The following DCLRE1A variants were observed in gnomAD, a reference collection of about 807,000 sequenced individuals.
The protein encoded by DCLRE1A is DNA cross-link repair 1A protein.
DCLRE1A carries 64 observed loss-of-function variants against 91.9 expected under a neutral mutation model. The observed-to-expected ratio is 0.70, with a 90% confidence interval of 0.57 to 0.86. The LOEUF is 0.86. Ranked by LOEUF, DCLRE1A falls within the 40% of genes least tolerant of loss-of-function variation. DCLRE1A has a pLI of 0.00. For missense variants in DCLRE1A, 1,145 were observed against 1,213.3 expected (o/e 0.94, Z 0.84); for synonymous variants, 416 against 431.1 (o/e 0.96, Z 0.43).
At chr10:113,840,828 G>T (rs1442739160) in intron 7 of DCLRE1A, among the ~76,000 whole-genome samples, 1 of 152,092 alleles carries the variant, frequency 6.6e-6, no homozygotes, top group Non-Finnish European at 1.5e-5. Flanking sequence ...GTTAGTATAT[G>T]GAATAAACGT....
At chr10:113,837,490 A>C (rs1845382116) in intron 7 of DCLRE1A, among the ~76,000 whole-genome samples, 1 of 152,244 alleles carries the variant, frequency 6.6e-6, no homozygotes, top group Non-Finnish European at 1.5e-5. Flanking sequence ...CAATTCTGAT[A>C]GCTACCAAAA....
rs1487450542 is a variant in DCLRE1A, at chr10:113,842,340, C to G, written c.2665+3G>C. On this transcript the variant is annotated splice_donor_region_variant and intron_variant, in intron 6 of 8. Coordinates refer to ENST00000361384, the MANE Select transcript of DCLRE1A (RefSeq NM_014881.5). ...ATGTAAATTAGATACACCTACAACT[C>G]ACCTAGGAAGACTTTCTCTTTTCCA... The G allele has an allele frequency of 1.9e-6, 3 of 1,611,814 alleles. No homozygotes were observed. The highest frequency in any genetic ancestry group is 2.5e-6 in the Non-Finnish European group (3 of 1,178,620).
At position 113,850,634 on chromosome 10, in the gene DCLRE1A, A is replaced by G. The variant is rs1845634938; in HGVS notation, c.471T>C (p.Asp157=). Residue 157 remains aspartate, a synonymous_variant, in exon 2 of 9, where the codon GAT becomes GAC. Transcript: ENST00000361384. ...SPPRSETECP[D]GLLCTSTIPF... ...GAATGGTTGAGGTACACAGAAGACCATCAGGACACTCTGAAATTTTAATAA... is the reference window on the plus strand; with the variant it reads ...GAATGGTTGAGGTACACAGAAGACCGTCAGGACACTCTGAAATTTTAATAA... The G allele has an allele frequency of 1.9e-6, 3 of 1,582,890 alleles. No homozygotes were observed. The highest frequency in any genetic ancestry group is 2.6e-6 in the Non-Finnish European group (3 of 1,164,552).
At chr10:113,845,563 T>G (rs956765680) in intron 4 of DCLRE1A, 122 bp downstream of exon 4, 1 of 726,960 alleles carries the variant, frequency 1.4e-6, no homozygotes, top group Non-Finnish European at 2.3e-6. Context: ...GAGAAACATC[T>G]TACTCAAGTT....
chr10:113,840,804 C>A (rs980054905), intron 7 of DCLRE1A, among the ~76,000 whole-genome samples: 2 of 152,062 alleles, frequency 1.3e-5, no homozygotes, highest in Non-Finnish European at 2.9e-5. Flanking sequence ...TATTCAATTG[C>A]CAGGTGTCAA....
intron 2 of DCLRE1A, among the ~76,000 whole-genome samples, chr10:113,848,140 C>T (rs1051400936): frequency 2.0e-5 from 3 of 152,038 alleles, no homozygotes; most frequent in Non-Finnish European, 4.4e-5. Context: ...GGTGAAACCC[C>T]GTCTCTACTA....
chr10:113,849,742 GA>G lies in DCLRE1A; in HGVS notation c.1362del (p.Gln455LysfsTer6), dbSNP rs775230818. ...KQVIEESSVY[N>X]QVSLPLVKSL... is the part of the protein sequence containing the mutation. Reference sequence around the variant, plus strand: ...CTCTTAACTAACGGAAGAGAAACTTGATTGTAAACAGATGATTCTTCAATTA... The same window carrying G: ...CTCTTAACTAACGGAAGAGAAACTTGTTGTAAACAGATGATTCTTCAATTA... On this transcript the variant is annotated frameshift_variant, in exon 2 of 9. Transcript: ENST00000361384. LOFTEE classifies it high-confidence loss of function. 1.4e-5 allele frequency: 22 copies of G among 1,614,020 alleles called. No homozygotes were observed. Among genetic ancestry groups the G allele is most frequent in the Non-Finnish European group, 1.7e-5 (20 of 1,180,046 alleles).
At position 113,849,174 on chromosome 10, in the gene DCLRE1A, A is replaced by C. The variant is rs1490737965; in HGVS notation, c.1931T>G (p.Leu644Arg). The C allele has an allele frequency of 1.2e-6, 2 of 1,614,050 alleles. No homozygotes were observed. The highest frequency in any genetic ancestry group is 1.7e-6 in the Non-Finnish European group (2 of 1,179,964). Residue 644 changes from leucine to arginine, a missense_variant, in exon 2 of 9, where the codon CTG becomes CGG. Physicochemically the swap from Leu to Arg is moderately radical, Grantham distance 102 (BLOSUM62 -2). Coordinates refer to ENST00000361384, the MANE Select transcript of DCLRE1A (RefSeq NM_014881.5). ...TCTCTTCTGACACGCTCCTTCCTGC[A>C]GTGAATTTGACTTTCTACATCTCTT... ...QKKRCRKSNS[L>R]QEGACQKRSD...
Position 113,850,451 on chromosome 10 carries a change from G to A in DCLRE1A, c.654C>T (p.Asn218=). The A allele has an allele frequency of 6.2e-7, 1 of 1,614,160 alleles. No individual in the cohort carries two copies. Among genetic ancestry groups the A allele is most frequent in the Non-Finnish European group, 8.5e-7 (1 of 1,180,026 alleles). Residue 218 remains asparagine (N), a synonymous_variant, in exon 2 of 9, where the codon AAC becomes AAT. Coordinates refer to ENST00000361384, the MANE Select transcript of DCLRE1A (RefSeq NM_014881.5). The part of the protein sequence containing the change: ...SLEERWSSYQ[N]QTDNSVSNDP... ...CATTTGAAACCGAGTTATCAGTTTG[G>A]TTCTGATACGAAGACCATCTTTCCT...
At position 113,850,371 on chromosome 10, in the gene DCLRE1A, C is replaced by T. The variant is rs1845626187; in HGVS notation, c.734G>A (p.Ser245Asn). 6.2e-7 allele frequency: 1 copy of T among 1,614,120 alleles called. No individual in the cohort carries two copies. Among genetic ancestry groups the T allele is most frequent in the Admixed American group, 1.7e-5 (1 of 60,006 alleles). ...TTGGATATGAGTAGAAATCTTTTCA[C>T]TGGCTTCAGTCAGAGACGGAGACTT... ...FKKSPSLTEA[S>N]EKISTHIQTS... Residue 245 changes from serine to asparagine, a missense_variant, in exon 2 of 9, where the codon AGT (serine) becomes AAT (asparagine). Coordinates refer to ENST00000361384, the MANE Select transcript of DCLRE1A (RefSeq NM_014881.5).
At chr10:113,850,694 G>C in intron 1 of DCLRE1A, 50 bp from the exon 2 acceptor site, 1 of 1,423,962 alleles carries the variant, frequency 7.0e-7, no homozygotes, top group Non-Finnish European at 9.4e-7. Context: ...CATAGACTAA[G>C]CTTTGACAAC....
rs1564845359 is a variant in DCLRE1A, at chr10:113,849,775, T to C, written c.1330A>G (p.Lys444Glu). The C allele has an allele frequency of 1.2e-6, 2 of 1,614,070 alleles. No individual in the cohort carries two copies. The highest frequency in any genetic ancestry group is 1.1e-5 in the South Asian group (1 of 91,092). The change falls in exon 2 of 9, where the codon AAA becomes GAA. Residue 444 changes from lysine to glutamate, a missense_variant. By Grantham distance (56) the Lys-to-Glu change is moderately conservative. Coordinates refer to ENST00000361384, the MANE Select transcript of DCLRE1A (RefSeq NM_014881.5). ...ACAGATGATTCTTCAATTACCTGTT[T>C]CTGTTTATTTGATTGAGCTGAGTGA... ...EFHSAQSNKQ[K>E]QVIEESSVYN...
In DCLRE1A at chr10:113,852,979, T is replaced by C. The variant is rs150355808; in HGVS notation, c.204A>G (p.Gly68=). ...CAACAGAAGTCTGACAACCTGCATTTCCAAGGGGCACTTCATGGTCCTTCA... is the reference window on the plus strand; with the variant it reads ...CAACAGAAGTCTGACAACCTGCATTCCCAAGGGGCACTTCATGGTCCTTCA... The part of the protein sequence containing the change: ...KEVKDHEVPL[G]NAGCQTSVAS... Residue 68 remains glycine (G), a synonymous_variant, in exon 1 of 9, where the codon GGA becomes GGG. Coordinates refer to ENST00000361384, the MANE Select transcript of DCLRE1A (RefSeq NM_014881.5). 797 of 1,614,184 alleles carry C rather than the reference T, an allele frequency of 4.9e-4. 1 individual carries two copies. The African/African-American group carries it at 6.7e-3, about 14-fold the overall frequency.
At chr10:113,837,818 A>G (rs552420523) in intron 7 of DCLRE1A, among the ~76,000 whole-genome samples, 1 of 152,310 alleles carries the variant, frequency 6.6e-6, no homozygotes, top group East Asian at 1.9e-4. Flanking sequence ...TCCCCAAACT[A>G]AAGTAATCAT....
chr10:113,835,312 C>A lies in DCLRE1A; in HGVS notation c.2963G>T (p.Gly988Val). 1 of 1,575,886 alleles carries A rather than the reference C, an allele frequency of 6.3e-7. No individual in the cohort carries two copies. The change falls in exon 9 of 9, where the codon GGA becomes GTA. Residue 988 changes from glycine (G) to valine (V), a missense_variant and splice_region_variant. By Grantham distance (109) the Gly-to-Val change is moderately radical. Transcript: ENST00000361384. Reference protein sequence around the residue: ...PQTKGNISIYGIPYSEHSSYL... With the variant: ...PQTKGNISIYVIPYSEHSSYL... Reference sequence around the variant, plus strand: ...GCTGCTGTGTTCACTGTAAGGAATTCCTGTAACAAAAAATAAACGAATTTG... The same window carrying A: ...GCTGCTGTGTTCACTGTAAGGAATTACTGTAACAAAAAATAAACGAATTTG...
rs557180844 is a variant in DCLRE1A at position 113,842,349 on chromosome 10, A to C, written c.2659T>G (p.Phe887Val). ...AGATACACCTACAACTCACCTAGGA[A>C]GACTTTCTCTTTTCCAATAGAGTAA... ...GTYSIGKEKV[F>V]LAIADVLGSK... is the part of the protein sequence containing the mutation. The change falls in exon 6 of 9, where the codon TTC (phenylalanine) becomes GTC (valine). Residue 887 changes from phenylalanine (F) to valine (V), a missense_variant. Phe to Val is a conservative substitution (Grantham distance 50). Transcript: ENST00000361384. 5 of 1,612,756 alleles carry C rather than the reference A, an allele frequency of 3.1e-6. No individual in the cohort carries two copies. In the African/African-American group the frequency reaches 4.0e-5, roughly 13 times the overall value.
chr10:113,852,604 A>T, intron 1 of DCLRE1A, 119 bp downstream of exon 1: 1 of 944,004 alleles, frequency 1.1e-6, no homozygotes, highest in Non-Finnish European at 1.6e-6. Flanking sequence ...GGTGTTTCCC[A>T]GTGTCTCATC....
At chr10:113,844,016 G>A in intron 5 of DCLRE1A, 88 bp downstream of exon 5, 1 of 1,504,876 alleles carries the variant, frequency 6.6e-7, no homozygotes, top group Admixed American at 2.2e-5. Context: ...AATAATAATT[G>A]GCAATAAGCC....
intron 7 of DCLRE1A, among the ~76,000 whole-genome samples, chr10:113,838,914 A>G (rs556227704): frequency 3.7e-4 from 56 of 152,208 alleles, no homozygotes; most frequent in Non-Finnish European, 6.8e-4. Context: ...CTGTATTAGG[A>G]TTACCTTTTC....
Sources: allele counts gnomAD v4.1 joint callset (sites outside exome capture counted in the v4.1 genomes callset), GRCh38; gene constraint gnomAD v4.1.1; transcripts MANE v1.5; gene names NCBI Gene and HGNC (gene_info 2026-07-23, HGNC 2026-07-21).